ZCCHC4: variants seen among roughly 807,000 people sequenced by gnomAD.
ZCCHC4 encodes the protein zinc finger CCHC-type containing 4.
In ZCCHC4, 54 loss-of-function variants were observed where a neutral mutation model predicts 67.7. The ratio of observed to expected loss-of-function variants is 0.80; its 90% CI spans 0.64 to 1.00. The LOEUF (loss-of-function observed/expected upper bound fraction) is 1.00. Ranked by LOEUF, ZCCHC4 falls within the 50% of genes least tolerant of loss-of-function variation. The pLI is 0.00. For synonymous variants in ZCCHC4, 198 were observed against 213.5 expected, an observed-to-expected ratio of 0.93 and a Z score of 0.63; for missense variants, 609 against 617.0, an observed-to-expected ratio of 0.99 and a Z score of 0.14.
rs527999982 is a variant in ZCCHC4 at position 25,352,027 on chromosome 4, C to T, written c.1011+338C>T. ...ATCATCACTAGGAGATTTTGCAGCC[C>T]CCCCACCCCTGGTTCATCATTATGA... is the stretch of plus-strand genomic sequence containing the variant. On this transcript the variant is annotated intron_variant, in intron 8 of 12. Transcript: ENST00000302874. The T allele has an allele frequency of 3.7e-5, 37 of 1,010,430 alleles. No individual in the cohort carries two copies. The South Asian group carries it at 1.6e-3, about 44-fold the overall frequency. 62.6% of individuals were successfully genotyped at this position (1,010,430 alleles called of 1,614,324 possible). A position where few individuals can be genotyped will look rare whatever the true frequency, so the allele number is the denominator to read the frequency against.
At chr4:25,330,728 G>A in intron 3 of ZCCHC4, among the ~76,000 whole-genome samples, 1 of 152,186 alleles carries the variant, frequency 6.6e-6, no homozygotes, top group Non-Finnish European at 1.5e-5. Context: ...CTGAGGCAGT[G>A]CTCTTCTGAG....
intron 4 of ZCCHC4, 64 bp from the exon 5 acceptor site, chr4:25,333,844 T>A (rs1719312509): frequency 9.0e-7 from 1 of 1,115,024 alleles, no homozygotes; most frequent in East Asian, 2.5e-5. Flanking sequence ...TTTTGTTGTT[T>A]GTTTGTTTAT....
chr4:25,363,004 G>A (rs1720811205), intron 10 of ZCCHC4, among the ~76,000 whole-genome samples: 1 of 152,122 alleles, frequency 6.6e-6, no homozygotes. Context: ...TGATGGGCCT[G>A]CGTTGACACA....
At chr4:25,363,082 A>G (rs985235459) in intron 10 of ZCCHC4, among the ~76,000 whole-genome samples, 2 of 152,184 alleles carry the variant, frequency 1.3e-5, no homozygotes, top group African/African-American at 4.8e-5. Context: ...TATGGGTTTG[A>G]AAAATGTATA....
Position 25,355,890 on chromosome 4 carries a change from G to T in ZCCHC4, c.1011+4201G>T, listed in dbSNP as rs141134924. On this transcript the variant is annotated intron_variant, in intron 8 of 12. Coordinates refer to ENST00000302874, the MANE Select transcript of ZCCHC4 (RefSeq NM_024936.3). ...GTAGAAGCTGGTTGCTGGAGCAGAA[G>T]AAGGTACTGGGGACTTTGTGTGTGT... Among the ~76,000 whole-genome samples the T allele has an allele frequency of 1.1e-3, 174 of 152,336 alleles. 2 individuals carry two copies. The highest frequency in any genetic ancestry group is 4.2e-3 in the African/African-American group (174 of 41,586).
chr4:25,365,809 A>G, intron 12 of ZCCHC4: 2 of 985,466 alleles, frequency 2.0e-6, no homozygotes, highest in Non-Finnish European at 2.4e-6. Context: ...TGGAATAGTT[A>G]TCCCCAAAAC....
At chr4:25,322,443 A>G (rs547000648) in intron 3 of ZCCHC4, among the ~76,000 whole-genome samples, 5 of 152,274 alleles carry the variant, frequency 3.3e-5, no homozygotes, top group African/African-American at 7.2e-5. Context: ...CAATAGCCAC[A>G]TATCATTTTT....
chr4:25,349,016 C>G (rs909251581), intron 6 of ZCCHC4, among the ~76,000 whole-genome samples: 3 of 152,190 alleles, frequency 2.0e-5, no homozygotes, highest in Admixed American at 1.3e-4. Context: ...TACTCAAAAA[C>G]ATATGCATGT....
At chr4:25,364,893 T>C in intron 11 of ZCCHC4, 129 bp from the exon 12 acceptor site, 1 of 1,301,316 alleles carries the variant, frequency 7.7e-7, no homozygotes. Context: ...TTAGCCAAAC[T>C]AAAACTAGCT....
intron 3 of ZCCHC4, among the ~76,000 whole-genome samples, chr4:25,319,149 C>T (rs1366518472): frequency 1.3e-5 from 2 of 152,112 alleles, no homozygotes; most frequent in Non-Finnish European, 2.9e-5. Context: ...TTTGGGAGGC[C>T]TAGGCGGGTG....
chr4:25,345,449 A>C (rs960464451), intron 5 of ZCCHC4, 99 bp from the exon 6 acceptor site: 7 of 758,778 alleles, frequency 9.2e-6, no homozygotes, highest in South Asian at 1.8e-5. Flanking sequence ...CTAAAAAATG[A>C]AATTTTTTAA....
At position 25,333,475 on chromosome 4, in the gene ZCCHC4, T is replaced by G. The variant is rs772428837; in HGVS notation, c.605+17T>G. On this transcript the variant is annotated intron_variant, in intron 4 of 12. Coordinates refer to ENST00000302874, the MANE Select transcript of ZCCHC4 (RefSeq NM_024936.3). ...AACACCAAGGTATGTCATGTGATTT[T>G]TTAAAGAATTATCTTCTCACCACTA... 52 of 1,611,640 alleles carry G rather than the reference T, an allele frequency of 3.2e-5. No homozygotes were observed. The highest frequency in any genetic ancestry group is 4.0e-5 in the Non-Finnish European group (47 of 1,178,618).
chr4:25,357,032 G>A (rs888756044), intron 8 of ZCCHC4, among the ~76,000 whole-genome samples: 8 of 152,248 alleles, frequency 5.3e-5, no homozygotes, highest in African/African-American at 1.9e-4. Flanking sequence ...GCCTTAGAAA[G>A]CAATGCAATT....
chr4:25,368,587 G>T (rs1293573562), intron 12 of ZCCHC4, among the ~76,000 whole-genome samples: 3 of 152,110 alleles, frequency 2.0e-5, no homozygotes, highest in Non-Finnish European at 4.4e-5. Context: ...AGGCTTCTCG[G>T]TTTTTTCCAT....
intron 3 of ZCCHC4, among the ~76,000 whole-genome samples, chr4:25,330,197 G>T (rs954363168): frequency 6.6e-5 from 10 of 152,010 alleles, no homozygotes; most frequent in Non-Finnish European, 1.5e-4. Context: ...CACCATGTTG[G>T]CCAGGCTGGT....
chr4:25,338,414 G>A (rs1719573157), intron 5 of ZCCHC4, among the ~76,000 whole-genome samples: 3 of 152,088 alleles, frequency 2.0e-5, no homozygotes, highest in Admixed American at 2.0e-4. Context: ...TTTTAAAATT[G>A]AGATATATTT....
chr4:25,327,738 T>C (rs1179171245), intron 3 of ZCCHC4, among the ~76,000 whole-genome samples: 1 of 152,130 alleles, frequency 6.6e-6, no homozygotes, highest in Non-Finnish European at 1.5e-5. Flanking sequence ...GCCTCAGGCT[T>C]CCTAGAGTGC....
intron 12 of ZCCHC4, 72 bp downstream of exon 12, chr4:25,365,238 A>G: frequency 1.3e-6 from 2 of 1,582,598 alleles, no homozygotes; most frequent in African/African-American, 1.3e-5. Flanking sequence ...AAAAGCATGC[A>G]ACATTCAGAG....
chr4:25,342,618 CACTTGGTA>C (rs1719809057), intron 5 of ZCCHC4, among the ~76,000 whole-genome samples: 1 of 152,096 alleles, frequency 6.6e-6, no homozygotes, highest in African/African-American at 2.4e-5. Flanking sequence ...GCATGTTTCA[CACTTGGTA>C]ACTGACTCTC....
Sources: gnomAD v4.1 joint callset for allele counts (sites outside exome capture counted in the v4.1 genomes callset) on GRCh38, gnomAD v4.1.1 for gene constraint, MANE v1.5 for transcripts, NCBI Gene and HGNC (gene_info 2026-07-23, HGNC 2026-07-21) for gene names.